Variants in PCDH9 observed in about 807,000 individuals in gnomAD.
PCDH9 encodes the protein protocadherin 9, also known as protocadherin-9.
PCDH9 carries 24 observed loss-of-function variants against 70.6 expected under a neutral mutation model. That is an observed-to-expected ratio of 0.34 (90% CI 0.25 to 0.48). The LOEUF is 0.48. PCDH9 is among the 20% of genes least tolerant of loss of function. The pLI is 0.99. For missense variants in PCDH9, 1,281 were observed against 1,503.6 expected (o/e 0.85, Z 2.45); for synonymous variants, 562 against 558.5 (o/e 1.01, Z -0.09).
intron 3 of PCDH9, among the ~76,000 whole-genome samples, chr13:66,771,364 CT>C (rs535137365): frequency 1.3e-5 from 2 of 152,108 alleles, no homozygotes; most frequent in Non-Finnish European, 2.9e-5. Context: ...TCATTTCTTC[CT>C]TCCTTCTAAT....
intron 4 of PCDH9, among the ~76,000 whole-genome samples, chr13:66,587,269 C>T (rs1045639736): frequency 1.3e-5 from 2 of 152,024 alleles, no homozygotes; most frequent in Non-Finnish European, 2.9e-5. Context: ...CTGTACTCCA[C>T]TGTGGGAAAC....
chr13:67,145,305 G>A (rs1297781180), intron 2 of PCDH9, among the ~76,000 whole-genome samples: 1 of 152,024 alleles, frequency 6.6e-6, no homozygotes, highest in Non-Finnish European at 1.5e-5. Flanking sequence ...TGTAAATGAA[G>A]TGTCTCTCTA....
At chr13:67,131,536 AC>A (rs2087111460) in intron 2 of PCDH9, among the ~76,000 whole-genome samples, 3 of 152,298 alleles carry the variant, frequency 2.0e-5, no homozygotes, top group Admixed American at 1.3e-4. Flanking sequence ...TTCTAACCTT[AC>A]AATTTGTTGC....
intron 3 of PCDH9, among the ~76,000 whole-genome samples, chr13:66,685,241 C>A (rs911026471): frequency 6.6e-6 from 1 of 152,162 alleles, no homozygotes; most frequent in African/African-American, 2.4e-5. Flanking sequence ...CTGCTTTTTG[C>A]AGTCTTGAGA....
intron 2 of PCDH9, among the ~76,000 whole-genome samples, chr13:67,013,101 G>C (rs556098488): frequency 6.6e-6 from 1 of 151,964 alleles, no homozygotes; most frequent in South Asian, 2.1e-4. Context: ...TCTATGATTA[G>C]AAAAGTGATA....
chr13:66,782,597 C>T (rs542902030), intron 3 of PCDH9: 1 of 152,206 alleles, frequency 6.6e-6, no homozygotes, highest in Non-Finnish European at 1.5e-5. Flanking sequence ...ATGTTTTAGG[C>T]ATATAAGATT....
intron 4 of PCDH9, among the ~76,000 whole-genome samples, chr13:66,560,329 G>A (rs1961954544): frequency 6.6e-6 from 1 of 152,012 alleles, no homozygotes; most frequent in African/African-American, 2.4e-5. Flanking sequence ...TCCCTCTATT[G>A]CAGCACAAAG....
intron 4 of PCDH9, among the ~76,000 whole-genome samples, chr13:66,559,833 T>TACAC (rs56660850): frequency 0.068 from 5,952 of 87,040 alleles, 326 homozygotes; most frequent in African/African-American, 0.1. Flanking sequence ...TATATATATA[T>TACAC]ACACACACAC....
chr13:67,035,803 T>G (rs375176658), intron 2 of PCDH9, among the ~76,000 whole-genome samples: 1 of 152,216 alleles, frequency 6.6e-6, no homozygotes, highest in African/African-American at 2.4e-5. Context: ...TGCTTACCAA[T>G]GATGAGAATT....
At chr13:66,329,546 A>G (rs112679343) in intron 4 of PCDH9, among the ~76,000 whole-genome samples, 1 of 152,134 alleles carries the variant, frequency 6.6e-6, no homozygotes, top group African/African-American at 2.4e-5. Flanking sequence ...AGCACTGTAA[A>G]GAGAATGTCC....
intron 3 of PCDH9, among the ~76,000 whole-genome samples, chr13:66,755,513 G>A (rs1403927141): frequency 2.0e-5 from 3 of 152,080 alleles, no homozygotes; most frequent in Admixed American, 6.6e-5. Context: ...CTACTGAGTC[G>A]AGGACTAAGC....
At chr13:67,064,941 A>G (rs2085617203) in intron 2 of PCDH9, among the ~76,000 whole-genome samples, 1 of 148,002 alleles carries the variant, frequency 6.8e-6, no homozygotes, top group Non-Finnish European at 1.5e-5. Context: ...GATAGATAGC[A>G]GAGAGGTAGA....
intron 2 of PCDH9, among the ~76,000 whole-genome samples, chr13:67,191,669 C>T (rs2088918002): frequency 6.6e-6 from 1 of 152,034 alleles, no homozygotes; most frequent in Non-Finnish European, 1.5e-5. Flanking sequence ...AAATCTCTGC[C>T]CTGGTCAAGC....
rs1354978585 is a variant in PCDH9, at chr13:66,413,698, A to T, written c.3341-108670T>A. 3.3e-5 allele frequency among the ~76,000 whole-genome samples: 5 copies of T among 151,746 alleles called. No homozygotes were observed. The East Asian group carries it at 9.6e-4, about 29-fold the overall frequency. On this transcript the variant is annotated intron_variant, in intron 4 of 4. Transcript: ENST00000377865. The stretch of plus-strand genomic sequence containing the variant: ...GAGACTCCATCTTAAAAAAATAAAT[A>T]AAATAAAATAAAATAAAATATTAAA...
intron 4 of PCDH9, among the ~76,000 whole-genome samples, chr13:66,563,907 G>A (rs2076613267): frequency 6.6e-6 from 1 of 151,850 alleles, no homozygotes; most frequent in Non-Finnish European, 1.5e-5. Context: ...CTGAAATATT[G>A]TTATTATTAA....
chr13:67,173,468 C>G (rs955865561), intron 2 of PCDH9, among the ~76,000 whole-genome samples: 1 of 152,078 alleles, frequency 6.6e-6, no homozygotes, highest in Non-Finnish European at 1.5e-5. Flanking sequence ...AATATAGAGA[C>G]TTTGGCTCAT....
chr13:66,373,179 C>G (rs946254752), intron 4 of PCDH9, among the ~76,000 whole-genome samples: 1 of 151,972 alleles, frequency 6.6e-6, no homozygotes, highest in African/African-American at 2.4e-5. Context: ...AATTCTGACA[C>G]AAACCAGATG....
intron 4 of PCDH9, among the ~76,000 whole-genome samples, chr13:66,496,880 A>G (rs532800127): frequency 6.6e-6 from 1 of 152,312 alleles, no homozygotes; most frequent in African/African-American, 2.4e-5. Context: ...TTGTGTATCC[A>G]TGATATTCTT....
rs564678854 is a variant in PCDH9 at position 67,035,092 on chromosome 13, C to T, written c.3037-131487G>A. On this transcript the variant is annotated intron_variant, in intron 2 of 4. Transcript: ENST00000377865. ...AGAGGATTCAATTGTTATCAAATGA[C>T]TATCAACTTCATGGTGTATATGAAG... Among the ~76,000 whole-genome samples the T allele has an allele frequency of 2.6e-5, 4 of 152,146 alleles. No individual in the cohort carries two copies. In the East Asian group the frequency reaches 7.7e-4, roughly 29 times the overall value.
Sources: gnomAD v4.1 joint callset for allele counts (sites outside exome capture counted in the v4.1 genomes callset) on GRCh38, gnomAD v4.1.1 for gene constraint, MANE v1.5 for transcripts, NCBI Gene and HGNC (gene_info 2026-07-23, HGNC 2026-07-21) for gene names.